Variants in SUSD1 observed in about 807,000 individuals in gnomAD.
The protein encoded by SUSD1 is sushi domain containing 1, also known as sushi domain-containing protein 1.
In SUSD1, 65 loss-of-function variants were observed where a neutral mutation model predicts 86.9. The ratio of observed to expected loss-of-function variants is 0.75; its 90% CI spans 0.61 to 0.92. SUSD1 has a LOEUF of 0.92. Ranked by LOEUF, SUSD1 falls within the 40% of genes least tolerant of loss-of-function variation. The pLI, the probability that SUSD1 is intolerant of heterozygous loss-of-function variation, is 0.00. For synonymous variants in SUSD1, 346 were observed against 350.0 expected (o/e 0.99, Z 0.13); for missense variants, 850 against 929.7 (o/e 0.91, Z 1.11).
intron 10 of SUSD1, among the ~76,000 whole-genome samples, chr9:112,092,947 A>G (rs2131593271): frequency 6.6e-6 from 1 of 152,338 alleles, no homozygotes; most frequent in African/African-American, 2.4e-5. Context: ...AATTTGATCA[A>G]TAAATAAAAT....
At chr9:112,150,516 A>T (rs1039811658) in intron 2 of SUSD1, among the ~76,000 whole-genome samples, 17 of 152,132 alleles carry the variant, frequency 1.1e-4, no homozygotes, top group Non-Finnish European at 1.8e-4. Context: ...TTTTATTATT[A>T]TTTTTATTTT....
In SUSD1 at chr9:112,098,639, C is replaced by T. The variant is rs1277052132; in HGVS notation, c.1305G>A (p.Trp435Ter). ...TTGCATGAGAAAAGTTAGCCAGATACCACCTCTGACCCAGAACGGTAAACT... is the reference window on the plus strand; with the variant it reads ...TTGCATGAGAAAAGTTAGCCAGATATCACCTCTGACCCAGAACGGTAAACT... ...MYQFTVLGQR[W>*]YLANFSHATS... Residue 435 changes from tryptophan to a stop codon, truncating the protein, a stop_gained, in exon 10 of 17, where the codon TGG becomes TGA. Transcript: ENST00000374270. LOFTEE classifies it high-confidence loss of function. 1.2e-6 allele frequency: 2 copies of T among 1,614,122 alleles called. No individual in the cohort carries two copies. Among genetic ancestry groups the T allele is most frequent in the Non-Finnish European group, 1.7e-6 (2 of 1,179,994 alleles).
intron 8 of SUSD1, among the ~76,000 whole-genome samples, chr9:112,109,409 A>G (rs1019991847): frequency 2.6e-5 from 4 of 152,268 alleles, no homozygotes; most frequent in Non-Finnish European, 4.4e-5. Flanking sequence ...AGTCTTTATA[A>G]CAGTGCATAA....
At chr9:112,046,139 T>C (rs7043879) in intron 15 of SUSD1, among the ~76,000 whole-genome samples, 3,458 of 152,346 alleles carry the variant, frequency 0.023, 134 homozygotes, top group African/African-American at 0.078. Flanking sequence ...TTTGCATATA[T>C]ACTCTAAAAA....
chr9:112,118,543 G>T lies in SUSD1; in HGVS notation c.887-5675C>A, dbSNP rs548677562. On this transcript the variant is annotated intron_variant, in intron 6 of 16. Transcript: ENST00000374270. ...GCTGTAGCCCAGGATGGAGTGCAGT[G>T]GCATGTTCTCAGCTGACTGCAACCT... Among the ~76,000 whole-genome samples, 229 of 152,284 alleles carry T rather than the reference G, an allele frequency of 1.5e-3. 1 individual carries two copies. The highest frequency in any genetic ancestry group is 5.1e-3 in the African/African-American group (214 of 41,556).
At chr9:112,080,375 C>T (rs559067059) in intron 10 of SUSD1, among the ~76,000 whole-genome samples, 8 of 152,072 alleles carry the variant, frequency 5.3e-5, no homozygotes, top group Non-Finnish European at 1.0e-4. Flanking sequence ...GATACCTAAT[C>T]GGAGGACCCC....
chr9:112,116,951 C>T (rs760241751), intron 6 of SUSD1, among the ~76,000 whole-genome samples: 90 of 152,052 alleles, frequency 5.9e-4, no homozygotes, highest in Non-Finnish European at 9.6e-4. Flanking sequence ...ACCAGCCTGG[C>T]CAACATGGCA....
In SUSD1 at chr9:112,142,961, C is replaced by CTTTTTTTTTTTTTTTT. The variant is rs529470594; in HGVS notation, c.527-478_527-463dup. On this transcript the variant is annotated intron_variant, in intron 4 of 16. Transcript: ENST00000374270. ...AATCCTTTAAGTTTATGAATTTTAG[C>CTTTTTTTTTTTTTTTT]TTTTTTTTTTTTTTTTTTTTTTTTT... is the stretch of plus-strand genomic sequence containing the variant. Among the ~76,000 whole-genome samples, 2 of 30,178 alleles carry CTTTTTTTTTTTTTTTT rather than the reference C, an allele frequency of 6.6e-5. 1 individual carries two copies. The highest frequency in any genetic ancestry group is 1.9e-4 in the African/African-American group (2 of 10,580). 19.8% of individuals were successfully genotyped at this position (30,178 alleles called of 152,430 possible). A position where few individuals can be genotyped will look rare whatever the true frequency, so the allele number is the denominator to read the frequency against.
intron 1 of SUSD1, among the ~76,000 whole-genome samples, chr9:112,164,822 T>C (rs1833710555): frequency 6.6e-6 from 1 of 152,218 alleles, no homozygotes; most frequent in South Asian, 2.1e-4. Context: ...CCGGTGCCTG[T>C]AGTCCCAGTT....
At chr9:112,145,970 G>A (rs1832792264) in intron 3 of SUSD1, 1 of 152,186 alleles carries the variant, frequency 6.6e-6, no homozygotes. Context: ...GTGACATTCA[G>A]AGGCCTACCT....
rs368749264 is a variant in SUSD1 at position 112,098,423 on chromosome 9, T to C, written c.1474+47A>G. Reference sequence around the variant, plus strand: ...GCCCGCCCACACTGCTCAATTCACATAGGTAATTTGTCCTGAGGCACAAAA... The same window carrying C: ...GCCCGCCCACACTGCTCAATTCACACAGGTAATTTGTCCTGAGGCACAAAA... On this transcript the variant is annotated intron_variant, in intron 10 of 16. Transcript: ENST00000374270. The C allele has an allele frequency of 3.8e-6, 6 of 1,585,096 alleles. No homozygotes were observed. The East Asian group carries it at 6.7e-5, about 18-fold the overall frequency.
At chr9:112,099,053 C>G (rs530224454) in intron 9 of SUSD1, among the ~76,000 whole-genome samples, 6 of 114,714 alleles carry the variant, frequency 5.2e-5, no homozygotes, top group South Asian at 6.0e-4. Context: ...CTCTCTCTCT[C>G]TCTGTCTCTT....
At chr9:112,066,192 A>G (rs1174876447) in intron 12 of SUSD1, among the ~76,000 whole-genome samples, 1 of 152,244 alleles carries the variant, frequency 6.6e-6, no homozygotes, top group Non-Finnish European at 1.5e-5. Flanking sequence ...ACCTAGAAGT[A>G]GAAACCTGGA....
chr9:112,072,812 G>C (rs1449734170), intron 12 of SUSD1, among the ~76,000 whole-genome samples: 1 of 152,230 alleles, frequency 6.6e-6, no homozygotes, highest in African/African-American at 2.4e-5. Context: ...GATATCAAAA[G>C]AGCCTGTGTC....
At chr9:112,167,883 C>T (rs1200392705) in intron 1 of SUSD1, among the ~76,000 whole-genome samples, 1 of 152,090 alleles carries the variant, frequency 6.6e-6, no homozygotes, top group Non-Finnish European at 1.5e-5. Flanking sequence ...TGGCAGAAGG[C>T]AAAAGGCATG....
chr9:112,050,310 T>C (rs184736402), intron 15 of SUSD1, among the ~76,000 whole-genome samples: 34 of 152,326 alleles, frequency 2.2e-4, no homozygotes, highest in Middle Eastern at 3.4e-3. Context: ...CAATCCAAGA[T>C]GGCTGACAGT....
chr9:112,063,311 G>C (rs1297195389), intron 12 of SUSD1, among the ~76,000 whole-genome samples: 3 of 152,114 alleles, frequency 2.0e-5, no homozygotes, highest in African/African-American at 4.8e-5. Flanking sequence ...GTAGGGAATG[G>C]GAACATATTG....
rs115381022 is a variant in SUSD1 at position 112,072,798 on chromosome 9, T to C, written c.1753+5740A>G. On this transcript the variant is annotated intron_variant, in intron 12 of 16. Coordinates refer to ENST00000374270, the MANE Select transcript of SUSD1 (RefSeq NM_022486.5). The stretch of plus-strand genomic sequence containing the variant: ...TCCTAGCGTGACCTAATGTTAGGGC[T>C]CCAGATATCAAAAGAGCCTGTGTCC... 9.0e-3 allele frequency among the ~76,000 whole-genome samples: 1,373 copies of C among 152,284 alleles called. 26 individuals carry two copies. Among genetic ancestry groups the C allele is most frequent in the African/African-American group, 0.031 (1,302 of 41,530 alleles).
intron 10 of SUSD1, 31 bp from the exon 11 acceptor site, chr9:112,080,196 T>C (rs756697131): frequency 2.4e-5 from 36 of 1,506,608 alleles, no homozygotes; most frequent in Non-Finnish European, 3.0e-5. Context: ...GAAATCAATT[T>C]ACACTCTATA....
Sources: allele counts gnomAD v4.1 joint callset (sites outside exome capture counted in the v4.1 genomes callset), GRCh38; gene constraint gnomAD v4.1.1; transcripts MANE v1.5; gene names NCBI Gene and HGNC (gene_info 2026-07-23, HGNC 2026-07-21).